DACH1: variants seen among roughly 807,000 people sequenced by gnomAD.
DACH1 encodes the protein dachshund family transcription factor 1.
Under a neutral mutation model 54.2 loss-of-function variants are expected in DACH1, and 12 were observed. The observed-to-expected ratio is 0.22, with a 90% CI of 0.14 to 0.36. The LOEUF is 0.36. Among genes scored for constraint, DACH1 ranks in the 10% least tolerant of loss-of-function variants. DACH1 has a pLI of 1.00. For synonymous variants in DACH1, 386 were observed against 366.2 expected (o/e 1.05, Z -0.62); for missense variants, 805 against 929.8 (o/e 0.87, Z 1.75).
At chr13:71,449,123 C>G (rs999872383) in intron 10 of DACH1, among the ~76,000 whole-genome samples, 25 of 151,560 alleles carry the variant, frequency 1.6e-4, no homozygotes, top group African/African-American at 5.8e-4. Flanking sequence ...GCAGATGGCC[C>G]GAGGTCAGGA....
chr13:71,833,158 A>C (rs1888658743), intron 1 of DACH1, among the ~76,000 whole-genome samples: 2 of 151,972 alleles, frequency 1.3e-5, no homozygotes, highest in African/African-American at 4.8e-5. Context: ...AGTGCATCAG[A>C]TTCATCTGTA....
intron 1 of DACH1, among the ~76,000 whole-genome samples, chr13:71,691,426 C>A (rs904896876): frequency 9.9e-5 from 15 of 152,144 alleles, no homozygotes; most frequent in African/African-American, 2.4e-5. Flanking sequence ...CTATTACAAT[C>A]CTTATTTTTT....
intron 6 of DACH1, among the ~76,000 whole-genome samples, chr13:71,545,557 G>A (rs544272708): frequency 6.6e-6 from 1 of 150,550 alleles, no homozygotes; most frequent in Non-Finnish European, 1.5e-5. Context: ...GAGGGAGGGA[G>A]AGAGGGAGGA....
intron 1 of DACH1, among the ~76,000 whole-genome samples, chr13:71,736,157 A>G (rs1268914413): frequency 4.6e-5 from 7 of 152,196 alleles, no homozygotes; most frequent in Non-Finnish European, 1.5e-5. Context: ...ACCAGAGTCT[A>G]TGAAAATAGC....
intron 3 of DACH1, among the ~76,000 whole-genome samples, chr13:71,619,763 AGC>A (rs1181007419): frequency 2.6e-5 from 4 of 151,970 alleles, no homozygotes; most frequent in Non-Finnish European, 5.9e-5. Context: ...ATGAGTGTCT[AGC>A]TAAGTTATGT....
intron 2 of DACH1, among the ~76,000 whole-genome samples, chr13:71,662,002 T>C (rs1050927299): frequency 6.6e-6 from 1 of 152,078 alleles, no homozygotes; most frequent in Non-Finnish European, 1.5e-5. Context: ...CCAATGTTAA[T>C]GTAATAACTT....
chr13:71,731,171 C>T (rs186871062), intron 1 of DACH1, among the ~76,000 whole-genome samples: 3 of 152,048 alleles, frequency 2.0e-5, no homozygotes, highest in Non-Finnish European at 2.9e-5. Context: ...AACAGATAAG[C>T]CTGGGTTAAA....
intron 1 of DACH1, chr13:71,704,488 C>T: frequency 2.9e-6 from 1 of 347,836 alleles, no homozygotes; most frequent in South Asian, 2.8e-5. Flanking sequence ...AGATAGCTTC[C>T]TGAAATGTGT....
At chr13:71,783,963 T>A (rs1429153064) in intron 1 of DACH1, among the ~76,000 whole-genome samples, 1 of 113,080 alleles carries the variant, frequency 8.8e-6, no homozygotes, top group Admixed American at 1.0e-4. Flanking sequence ...TCTCCAAGGT[T>A]TAAAAAAAAA....
intron 4 of DACH1, among the ~76,000 whole-genome samples, chr13:71,572,111 A>G (rs938125361): frequency 3.3e-5 from 5 of 152,196 alleles, no homozygotes; most frequent in Middle Eastern, 3.2e-3. Flanking sequence ...TAGTTTAAAA[A>G]TTAATAATCT....
chr13:71,538,651 C>A (rs1882951675), intron 6 of DACH1, among the ~76,000 whole-genome samples: 2 of 152,024 alleles, frequency 1.3e-5, no homozygotes, highest in South Asian at 4.1e-4. Context: ...GAGCACTGAA[C>A]AACAAACTAC....
chr13:71,527,544 C>A (rs1302925667), intron 6 of DACH1, among the ~76,000 whole-genome samples: 1 of 152,114 alleles, frequency 6.6e-6, no homozygotes, highest in Non-Finnish European at 1.5e-5. Context: ...TAAGTGACCA[C>A]CCCTGAAAAG....
intron 1 of DACH1, among the ~76,000 whole-genome samples, chr13:71,816,662 G>GTA (rs1887964327): frequency 1.8e-4 from 4 of 22,098 alleles, no homozygotes; most frequent in Non-Finnish European, 1.2e-4. Flanking sequence ...ATATACACGT[G>GTA]TATATATATA....
intron 3 of DACH1, among the ~76,000 whole-genome samples, chr13:71,595,361 G>A (rs1209693416): frequency 6.6e-6 from 1 of 152,106 alleles, no homozygotes; most frequent in Non-Finnish European, 1.5e-5. Context: ...GAAGCCTTGG[G>A]ATAATTATAG....
At chr13:71,778,998 G>A (rs1886192085) in intron 1 of DACH1, among the ~76,000 whole-genome samples, 1 of 151,408 alleles carries the variant, frequency 6.6e-6, no homozygotes, top group South Asian at 2.1e-4. Flanking sequence ...CATTTTGCAA[G>A]ACTTAACTTT....
intron 2 of DACH1, among the ~76,000 whole-genome samples, chr13:71,649,478 G>C (rs1055456636): frequency 6.6e-6 from 1 of 151,966 alleles, no homozygotes. Context: ...ATGTTGTAGC[G>C]GATATAAAAA....
chr13:71,754,372 T>C (rs1033955329), intron 1 of DACH1, among the ~76,000 whole-genome samples: 1 of 152,214 alleles, frequency 6.6e-6, no homozygotes, highest in Non-Finnish European at 1.5e-5. Context: ...CCCCCTTTCA[T>C]GCTATGCAAT....
At chr13:71,658,955 A>G (rs1305997609) in intron 2 of DACH1, among the ~76,000 whole-genome samples, 2 of 152,180 alleles carry the variant, frequency 1.3e-5, no homozygotes, top group African/African-American at 4.8e-5. Context: ...AAAAATCTGA[A>G]TATTAGCCCA....
Position 71,866,921 on chromosome 13 carries a change from G to A in DACH1, c.-152C>T. 1 of 533,634 alleles carries A rather than the reference G, an allele frequency of 1.9e-6. No individual in the cohort carries two copies. Among genetic ancestry groups the A allele is most frequent in the Non-Finnish European group, 2.8e-6 (1 of 356,112 alleles). 33.1% of individuals were successfully genotyped at this position (533,634 alleles called of 1,614,324 possible). On this transcript the variant is annotated 5_prime_UTR_variant, in exon 1 of 11. Transcript: ENST00000613252. ...CGAGAAGGAGAAAGGGAGAGAAGGG[G>A]GAGAAAAGGAGGTGAAGGTAATAAA...
Sources: gnomAD v4.1 joint callset for allele counts (sites outside exome capture counted in the v4.1 genomes callset) on GRCh38, gnomAD v4.1.1 for gene constraint, MANE v1.5 for transcripts, NCBI Gene and HGNC (gene_info 2026-07-23, HGNC 2026-07-21) for gene names.